Variants in RYR2 observed in about 807,000 individuals in gnomAD.
RYR2 encodes cardiac muscle ryanodine receptor-calcium release channel.
A neutral mutation model predicts 601.1 loss-of-function variants in RYR2; 227 were observed. The ratio of observed to expected loss-of-function variants is 0.38; its 90% CI spans 0.34 to 0.42. RYR2 has a LOEUF of 0.42. Ranked by LOEUF, RYR2 falls within the 10% of genes least tolerant of loss-of-function variation. The probability of loss-of-function intolerance (pLI) is 1.00; values close to 1 mark genes in which losing one functional copy is unlikely to be tolerated. For missense variants in RYR2, 4,646 were observed against 6,156.5 expected, an observed-to-expected ratio of 0.75 and a Z score of 8.21; for synonymous variants, 2,223 against 2,175.1, an observed-to-expected ratio of 1.02 and a Z score of -0.61.
At chr1:237,817,020 C>G (rs1255124618) in intron 100 of RYR2, among the ~76,000 whole-genome samples, 1 of 152,126 alleles carries the variant, frequency 6.6e-6, no homozygotes, top group East Asian at 1.9e-4. Flanking sequence ...CTCTAAGGAT[C>G]TCCTGACCTT....
intron 24 of RYR2, among the ~76,000 whole-genome samples, chr1:237,520,925 A>T (rs12130761): frequency 0.041 from 6,195 of 152,094 alleles, 184 homozygotes; most frequent in Middle Eastern, 0.13. Context: ...AATCCCAGCT[A>T]CTCAAGGAGG....
intron 16 of RYR2, among the ~76,000 whole-genome samples, chr1:237,468,794 A>T (rs951576116): frequency 3.3e-5 from 5 of 152,134 alleles, no homozygotes; most frequent in African/African-American, 9.6e-5. Flanking sequence ...AAGTGAGGGA[A>T]CTCCCAGGAG....
At chr1:237,437,648 C>T (rs1182211966) in intron 12 of RYR2, among the ~76,000 whole-genome samples, 4 of 152,060 alleles carry the variant, frequency 2.6e-5, no homozygotes, top group African/African-American at 7.2e-5. Flanking sequence ...CAACATTTCC[C>T]TGATAGTGAA....
chr1:237,338,394 T>G (rs2491323), intron 3 of RYR2, among the ~76,000 whole-genome samples: 22,497 of 152,156 alleles, frequency 0.15, 1,823 homozygotes, highest in East Asian at 0.34. Context: ...ATCACATGAT[T>G]TAGAATTTAA....
intron 29 of RYR2, among the ~76,000 whole-genome samples, chr1:237,571,310 CTTTTCT>C (rs1253494646): frequency 9.5e-6 from 1 of 104,728 alleles, no homozygotes; most frequent in Non-Finnish European, 1.9e-5. Flanking sequence ...TTTTTCTTTT[CTTTTCT>C]TTTTTTTTTT....
chr1:237,814,346 C>T (rs1226204097), intron 100 of RYR2, among the ~76,000 whole-genome samples: 3 of 152,252 alleles, frequency 2.0e-5, no homozygotes, highest in Non-Finnish European at 2.9e-5. Flanking sequence ...TTTCACAGGG[C>T]GATGTCTATA....
At chr1:237,349,230 A>G (rs924436003) in intron 3 of RYR2, among the ~76,000 whole-genome samples, 1 of 152,200 alleles carries the variant, frequency 6.6e-6, no homozygotes, top group East Asian at 1.9e-4. Flanking sequence ...AAAATTTAAA[A>G]GCTGTAATAA....
intron 1 of RYR2, among the ~76,000 whole-genome samples, chr1:237,052,331 A>G (rs925616017): frequency 6.6e-6 from 1 of 152,228 alleles, no homozygotes; most frequent in African/African-American, 2.4e-5. Context: ...GGATGTGGTC[A>G]TGATATTGGG....
chr1:237,100,494 C>G (rs894625758), intron 1 of RYR2, among the ~76,000 whole-genome samples: 3 of 151,904 alleles, frequency 2.0e-5, no homozygotes, highest in Non-Finnish European at 4.4e-5. Context: ...TCAAGTGATT[C>G]TCCTGTCTCA....
chr1:237,733,844 C>A, intron 79 of RYR2, 88 bp downstream of exon 79: 1 of 915,748 alleles, frequency 1.1e-6, no homozygotes, highest in Non-Finnish European at 1.7e-6. Flanking sequence ...CTGTGTATTT[C>A]ATTAATTTCA....
chr1:237,047,165 C>T (rs1660694418), intron 1 of RYR2, among the ~76,000 whole-genome samples: 1 of 152,098 alleles, frequency 6.6e-6, no homozygotes, highest in African/African-American at 2.4e-5. Flanking sequence ...GAAGAATTTC[C>T]AGAAAGGAGG....
chr1:237,146,030 G>A (rs549518691), intron 1 of RYR2, among the ~76,000 whole-genome samples: 1 of 152,304 alleles, frequency 6.6e-6, no homozygotes, highest in South Asian at 2.1e-4. Flanking sequence ...AATTTGCCAA[G>A]AGTTAGTGTG....
At chr1:237,422,321 C>A (rs1705681015) in intron 11 of RYR2, among the ~76,000 whole-genome samples, 1 of 152,134 alleles carries the variant, frequency 6.6e-6, no homozygotes, top group Non-Finnish European at 1.5e-5. Flanking sequence ...GTGATCAGAT[C>A]AATTAGCATA....
chr1:237,620,628 T>C (rs1255785519), intron 38 of RYR2, among the ~76,000 whole-genome samples: 1 of 151,964 alleles, frequency 6.6e-6, no homozygotes, highest in Non-Finnish European at 1.5e-5. Flanking sequence ...TATTAAAATA[T>C]TAATCAAAAT....
chr1:237,109,717 G>A (rs1428182528), intron 1 of RYR2, among the ~76,000 whole-genome samples: 8 of 33,690 alleles, frequency 2.4e-4, no homozygotes, highest in Non-Finnish European at 5.5e-4. Flanking sequence ...GCGAGACTCC[G>A]TCTCAAAAAA....
chr1:237,469,859 C>G (rs975126570), intron 17 of RYR2, among the ~76,000 whole-genome samples: 1 of 152,160 alleles, frequency 6.6e-6, no homozygotes, highest in African/African-American at 2.4e-5. Flanking sequence ...ATACACACAT[C>G]TCTAATAAGA....
chr1:237,631,906 T>G (rs1029426682), intron 42 of RYR2, among the ~76,000 whole-genome samples: 21 of 151,966 alleles, frequency 1.4e-4, no homozygotes, highest in Admixed American at 5.9e-4. Flanking sequence ...GTGCTGGGAT[T>G]ACAGGCGTGA....
intron 96 of RYR2, among the ~76,000 whole-genome samples, chr1:237,796,779 C>T (rs1355388067): frequency 1.3e-5 from 2 of 151,526 alleles, no homozygotes; most frequent in African/African-American, 4.9e-5. Flanking sequence ...TTTCCTGTTC[C>T]CTCCATTTTC....
At chr1:237,422,362 G>T (rs72765972) in intron 11 of RYR2, among the ~76,000 whole-genome samples, 2 of 151,860 alleles carry the variant, frequency 1.3e-5, no homozygotes, top group South Asian at 2.1e-4. Context: ...TCATTTCTGC[G>T]CATTAACAAC....
Sources: allele counts gnomAD v4.1 joint callset (sites outside exome capture counted in the v4.1 genomes callset), GRCh38; gene constraint gnomAD v4.1.1; transcripts MANE v1.5; gene names NCBI Gene and HGNC (gene_info 2026-07-23, HGNC 2026-07-21).